MANEA: variants seen among roughly 807,000 people sequenced by gnomAD.
MANEA encodes glycoprotein endo-alpha-1,2-mannosidase.
Under a neutral mutation model 36.8 loss-of-function variants are expected in MANEA, and 25 were observed. The observed-to-expected ratio is 0.68, with a 90% CI of 0.50 to 0.95. The LOEUF is 0.95. Ranked by LOEUF, MANEA falls within the 40% of genes least tolerant of loss-of-function variation. The pLI is 0.00. For missense variants in MANEA, 565 were observed against 558.8 expected (o/e 1.01, Z -0.11); for synonymous variants, 198 against 188.5 (o/e 1.05, Z -0.41).
chr6:95,577,827 C>T (rs1228482247), intron 1 of MANEA, among the ~76,000 whole-genome samples, 189 bp downstream of exon 1: 1 of 152,218 alleles, frequency 6.6e-6, no homozygotes, highest in Admixed American at 6.5e-5. Flanking sequence ...CCTGTAGCCC[C>T]CTCGATTAAC....
chr6:95,587,952 T>C (rs1769318909), intron 2 of MANEA, among the ~76,000 whole-genome samples: 1 of 152,046 alleles, frequency 6.6e-6, no homozygotes, highest in South Asian at 2.1e-4. Flanking sequence ...TCATTTGTTT[T>C]ATTTATAACT....
Position 95,586,750 on chromosome 6 carries a change from A to C in MANEA, c.311A>C (p.His104Pro), listed in dbSNP as rs748894995. The change falls in exon 2 of 5, where the codon CAT becomes CCT. Residue 104 changes from histidine to proline, a missense_variant. Physicochemically the swap from His to Pro is moderately conservative, Grantham distance 77. Transcript: ENST00000358812. ...CTACCACCTCTGAACAATTATCTACATGTATTTTATTACAGTTGGTATGGA... is the reference window on the plus strand; with the variant it reads ...CTACCACCTCTGAACAATTATCTACCTGTATTTTATTACAGTTGGTATGGA... ...DELPPLNNYL[H>P]VFYYSWYGNP... is the part of the protein sequence containing the mutation. 6.2e-7 allele frequency: 1 copy of C among 1,613,566 alleles called. No homozygotes were observed. Among genetic ancestry groups the C allele is most frequent in the Non-Finnish European group, 8.5e-7 (1 of 1,179,518 alleles).
chr6:95,603,552 T>A (rs929487199), intron 3 of MANEA, among the ~76,000 whole-genome samples: 3 of 152,040 alleles, frequency 2.0e-5, no homozygotes, highest in African/African-American at 4.8e-5. Context: ...TATATTTTTT[T>A]TAAATATTAT....
chr6:95,602,062 T>G (rs1253495374), intron 3 of MANEA, among the ~76,000 whole-genome samples: 2 of 152,208 alleles, frequency 1.3e-5, no homozygotes, highest in Non-Finnish European at 2.9e-5. Flanking sequence ...TTTTTCCTTG[T>G]TAAATGAATA....
At chr6:95,588,519 T>G (rs994293993) in intron 2 of MANEA, among the ~76,000 whole-genome samples, 4 of 152,010 alleles carry the variant, frequency 2.6e-5, no homozygotes, top group Non-Finnish European at 4.4e-5. Flanking sequence ...GTGTGGTCAA[T>G]ATGTATGTGT....
At chr6:95,589,209 G>T (rs1769340057) in intron 2 of MANEA, among the ~76,000 whole-genome samples, 1 of 152,012 alleles carries the variant, frequency 6.6e-6, no homozygotes, top group South Asian at 2.1e-4. Context: ...TTGACTGTTG[G>T]AATACTGACT....
At position 95,586,993 on chromosome 6, in the gene MANEA, G is replaced by GTT; in HGVS notation, c.544+11_544+12insTT. The GTT allele has an allele frequency of 7.7e-7, 1 of 1,302,382 alleles. No individual in the cohort carries two copies. The highest frequency in any genetic ancestry group is 1.1e-6 in the Non-Finnish European group (1 of 923,358). The allele number at this position is 1,302,382 out of a possible 1,614,324, so 80.7% of individuals were successfully genotyped here. A position where few individuals can be genotyped will look rare whatever the true frequency, so the allele number is the denominator to read the frequency against. On this transcript the variant is annotated intron_variant, in intron 2 of 4. Coordinates refer to ENST00000358812, the MANE Select transcript of MANEA (RefSeq NM_024641.4). The stretch of plus-strand genomic sequence containing the variant: ...CGCTCAGCTTCAATTGGTAATTATT[G>GTT]TATATATATATATGTGTGTTTGTGT...
Position 95,586,433 on chromosome 6 carries a change from T to C in MANEA, c.-7T>C. 2 of 1,599,574 alleles carry C rather than the reference T, an allele frequency of 1.3e-6. No individual in the cohort carries two copies. Among genetic ancestry groups the C allele is most frequent in the Non-Finnish European group, 8.5e-7 (1 of 1,172,664 alleles). ...ACTTACTATTTTGGAGTTTAAAGTA[T>C]GTCATCATGGCAAAGTTTCGGAGAA... On this transcript the variant is annotated 5_prime_UTR_variant, in exon 2 of 5. An upstream start codon of the reference 5' UTR is lost. Coordinates refer to ENST00000358812, the MANE Select transcript of MANEA (RefSeq NM_024641.4).
chr6:95,590,848 C>T (rs1203162708), intron 2 of MANEA, among the ~76,000 whole-genome samples: 3 of 152,048 alleles, frequency 2.0e-5, no homozygotes, highest in African/African-American at 7.2e-5. Flanking sequence ...TTGCTATTGT[C>T]GTAATTCTGT....
At chr6:95,596,703 G>C (rs1446978728) in intron 2 of MANEA, 34 bp from the exon 3 acceptor site, 2 of 1,130,102 alleles carry the variant, frequency 1.8e-6, no homozygotes, top group South Asian at 2.5e-5. Flanking sequence ...TCATGTTCTT[G>C]TCTTTTCCCT....
chr6:95,598,107 A>G (rs1241012062), intron 3 of MANEA, among the ~76,000 whole-genome samples: 1 of 152,150 alleles, frequency 6.6e-6, no homozygotes, highest in Admixed American at 6.6e-5. Flanking sequence ...AAAAAAACGT[A>G]TAAAAGATAA....
chr6:95,596,849 AT>A lies in MANEA; in HGVS notation c.654+7del. On this transcript the variant is annotated splice_donor_region_variant and intron_variant, in intron 3 of 4. Coordinates refer to ENST00000358812, the MANE Select transcript of MANEA (RefSeq NM_024641.4). ...AAGCTCATAAATATAACCTAAAGGT[AT>A]TTTATTTTATTTTCAAGCTATACAT... 7.2e-7 allele frequency: 1 copy of A among 1,380,816 alleles called. No individual in the cohort carries two copies. Among genetic ancestry groups the A allele is most frequent in the Non-Finnish European group, 1.0e-6 (1 of 971,406 alleles). The allele number at this position is 1,380,816 out of a possible 1,614,324, so 85.5% of individuals were successfully genotyped here.
intron 3 of MANEA, among the ~76,000 whole-genome samples, chr6:95,600,727 T>C (rs903189769): frequency 8.5e-5 from 13 of 152,196 alleles, no homozygotes; most frequent in African/African-American, 2.9e-4. Context: ...CTAAAACTTT[T>C]AAGTGTAAAA....
Position 95,605,743 on chromosome 6 carries a change from T to G in MANEA, c.732-5T>G, listed in dbSNP as rs1167158456. On this transcript the variant is annotated splice_region_variant and splice_polypyrimidine_tract_variant and intron_variant, in intron 4 of 4. Coordinates refer to ENST00000358812, the MANE Select transcript of MANEA (RefSeq NM_024641.4). ...ATTTCACTTTTATATATGCTTATTTTCTAGATATGGAAATCATCCGGCCTT... is the reference window on the plus strand; with the variant it reads ...ATTTCACTTTTATATATGCTTATTTGCTAGATATGGAAATCATCCGGCCTT... 1 of 1,597,834 alleles carries G rather than the reference T, an allele frequency of 6.3e-7. No homozygotes were observed. The highest frequency in any genetic ancestry group is 8.6e-7 in the Non-Finnish European group (1 of 1,168,910).
At chr6:95,591,716 G>A (rs1226587518) in intron 2 of MANEA, among the ~76,000 whole-genome samples, 1 of 151,968 alleles carries the variant, frequency 6.6e-6, no homozygotes, top group East Asian at 1.9e-4. Flanking sequence ...ATTGTTTTAT[G>A]AGATGGAGTC....
intron 2 of MANEA, among the ~76,000 whole-genome samples, chr6:95,587,856 G>A (rs1410354432): frequency 2.6e-5 from 4 of 151,814 alleles, no homozygotes; most frequent in Non-Finnish European, 5.9e-5. Context: ...CCACACGTCT[G>A]TTTCTTTTTT....
chr6:95,606,643 T>C lies in MANEA; in HGVS notation c.*238T>C. ...TCCTTATGGCATAATTTATTGCATT[T>C]CTGACTGAAATCAAAATTCTGATTT... On this transcript the variant is annotated 3_prime_UTR_variant, in exon 5 of 5. Coordinates refer to ENST00000358812, the MANE Select transcript of MANEA (RefSeq NM_024641.4). 1 of 227,700 alleles carries C rather than the reference T, an allele frequency of 4.4e-6. No individual in the cohort carries two copies. The highest frequency in any genetic ancestry group is 8.4e-6 in the Non-Finnish European group (1 of 118,792). 14.1% of individuals were successfully genotyped at this position (227,700 alleles called of 1,614,324 possible). A position where few individuals can be genotyped will look rare whatever the true frequency, so the allele number is the denominator to read the frequency against.
chr6:95,588,417 A>G (rs1013854835), intron 2 of MANEA, among the ~76,000 whole-genome samples: 5 of 151,676 alleles, frequency 3.3e-5, no homozygotes, highest in Admixed American at 3.3e-4. Context: ...TATAAAATTT[A>G]ACTTTATAGT....
rs1003193494 is a variant in MANEA at position 95,608,268 on chromosome 6, T to G, written c.*1863T>G. On this transcript the variant is annotated 3_prime_UTR_variant, in exon 5 of 5. Transcript: ENST00000358812. ...ATAATCTTTTATAATATACCATATTTCATTAAAGTTTTGTTAGAGAAGTAT... is the reference window on the plus strand; with the variant it reads ...ATAATCTTTTATAATATACCATATTGCATTAAAGTTTTGTTAGAGAAGTAT... 5 of 151,946 alleles carry G rather than the reference T, an allele frequency of 3.3e-5. No individual in the cohort carries two copies. In the East Asian group the frequency reaches 9.6e-4, roughly 29 times the overall value. 9.4% of individuals were successfully genotyped at this position (151,946 alleles called of 1,614,324 possible). A position where few individuals can be genotyped will look rare whatever the true frequency, so the allele number is the denominator to read the frequency against.
Sources: allele counts gnomAD v4.1 joint callset (sites outside exome capture counted in the v4.1 genomes callset), GRCh38; gene constraint gnomAD v4.1.1; transcripts MANE v1.5; gene names NCBI Gene and HGNC (gene_info 2026-07-23, HGNC 2026-07-21).